UNC5C: variants seen among roughly 807,000 people sequenced by gnomAD.
The protein encoded by UNC5C is unc-5 netrin receptor C, also known as netrin receptor UNC5C.
Under a neutral mutation model 99.8 loss-of-function variants are expected in UNC5C, and 47 were observed. That is an observed-to-expected ratio of 0.47 (90% CI 0.37 to 0.60). UNC5C has a LOEUF of 0.60. Ranked by LOEUF, UNC5C falls within the 20% of genes least tolerant of loss-of-function variation. UNC5C has a pLI of 0.00. For missense variants in UNC5C, 1,062 were observed against 1,165.9 expected (o/e 0.91, Z 1.30); for synonymous variants, 487 against 452.2 (o/e 1.08, Z -0.98).
At chr4:95,452,455 C>T (rs1264131153) in intron 1 of UNC5C, among the ~76,000 whole-genome samples, 1 of 152,006 alleles carries the variant, frequency 6.6e-6, no homozygotes. Flanking sequence ...AGGGTTTCAC[C>T]AGGGGACAGT....
intron 1 of UNC5C, among the ~76,000 whole-genome samples, chr4:95,514,978 G>A (rs990757702): frequency 6.6e-6 from 1 of 151,980 alleles, no homozygotes; most frequent in African/African-American, 2.4e-5. Context: ...GGCCCTAAAT[G>A]AGGAGATATT....
At chr4:95,222,370 C>A in intron 7 of UNC5C, 3 of 660,108 alleles carry the variant, frequency 4.5e-6, no homozygotes, top group Middle Eastern at 4.3e-4. Context: ...GGAAAAGAAA[C>A]CTGTGGTCTT....
chr4:95,435,907 A>G (rs1251544070), intron 1 of UNC5C, among the ~76,000 whole-genome samples: 3 of 151,996 alleles, frequency 2.0e-5, no homozygotes, highest in Admixed American at 1.3e-4. Flanking sequence ...TTATGCTCCA[A>G]TCCTATTTCC....
At chr4:95,379,585 G>GT (rs1745001882) in intron 1 of UNC5C, among the ~76,000 whole-genome samples, 1 of 152,142 alleles carries the variant, frequency 6.6e-6, no homozygotes, top group African/African-American at 2.4e-5. Context: ...CTTTCAAAGT[G>GT]TTTTTAGGAA....
intron 14 of UNC5C, among the ~76,000 whole-genome samples, chr4:95,178,764 T>C (rs1012333658): frequency 2.0e-5 from 3 of 152,212 alleles, no homozygotes; most frequent in African/African-American, 7.2e-5. Flanking sequence ...CCCCATTTTC[T>C]TGTGGATAAA....
intron 1 of UNC5C, among the ~76,000 whole-genome samples, chr4:95,469,625 G>A (rs542124106): frequency 6.6e-6 from 1 of 152,066 alleles, no homozygotes; most frequent in Admixed American, 6.5e-5. Context: ...ATCTTGAAAT[G>A]ATGGGAAATT....
At chr4:95,333,119 T>G (rs369545888) in intron 2 of UNC5C, among the ~76,000 whole-genome samples, 15 of 152,056 alleles carry the variant, frequency 9.9e-5, no homozygotes, top group Admixed American at 3.3e-4. Context: ...TTACACTGTT[T>G]GTGGGACTGT....
At chr4:95,255,755 G>A (rs1028583857) in intron 4 of UNC5C, among the ~76,000 whole-genome samples, 5 of 152,034 alleles carry the variant, frequency 3.3e-5, no homozygotes, top group Non-Finnish European at 5.9e-5. Context: ...CAGATGTGCT[G>A]TTAGCTTTCA....
intron 2 of UNC5C, among the ~76,000 whole-genome samples, chr4:95,310,023 A>G (rs557779782): frequency 6.6e-6 from 1 of 152,346 alleles, no homozygotes; most frequent in Non-Finnish European, 1.5e-5. Context: ...AATAGCCAAG[A>G]CATGGGATTA....
At chr4:95,218,941 CTT>C (rs987594092) in intron 9 of UNC5C, 26 bp downstream of exon 9, 1 of 1,545,726 alleles carries the variant, frequency 6.5e-7, no homozygotes, top group Non-Finnish European at 8.7e-7. Flanking sequence ...CAAGCTGCCT[CTT>C]TGCAATTTAA....
chr4:95,334,262 G>T (rs1743241220), intron 2 of UNC5C, among the ~76,000 whole-genome samples: 1 of 151,916 alleles, frequency 6.6e-6, no homozygotes, highest in African/African-American at 2.4e-5. Flanking sequence ...GCCCTCAAGT[G>T]CTGGTCTCTA....
chr4:95,292,198 CAT>C lies in UNC5C; in HGVS notation c.490+9406_490+9407del, dbSNP rs1192691074. Among the ~76,000 whole-genome samples the C allele has an allele frequency of 2.5e-5, 3 of 120,816 alleles. No homozygotes were observed. The Admixed American group carries it at 2.6e-4, about 10-fold the overall frequency. 79.3% of individuals were successfully genotyped at this position (120,816 alleles called of 152,430 possible). A position where few individuals can be genotyped will look rare whatever the true frequency, so the allele number is the denominator to read the frequency against. On this transcript the variant is annotated intron_variant, in intron 3 of 15. Transcript: ENST00000453304. ...TCATGAGATTACATATATATATACA[CAT>C]ATATATACATATATATACACACACA... is the stretch of plus-strand genomic sequence containing the variant.
At chr4:95,349,222 T>C (rs1743892562) in intron 1 of UNC5C, among the ~76,000 whole-genome samples, 1 of 150,842 alleles carries the variant, frequency 6.6e-6, no homozygotes, top group Admixed American at 6.6e-5. Flanking sequence ...CCTGAATCAA[T>C]ACATCTCACG....
intron 7 of UNC5C, among the ~76,000 whole-genome samples, chr4:95,223,176 T>G (rs1738538048): frequency 6.6e-6 from 1 of 152,134 alleles, no homozygotes; most frequent in Non-Finnish European, 1.5e-5. Context: ...AACACAAACT[T>G]TTTGAAATGA....
intron 1 of UNC5C, among the ~76,000 whole-genome samples, chr4:95,376,841 T>C (rs775830067): frequency 2.6e-5 from 4 of 152,222 alleles, no homozygotes; most frequent in Non-Finnish European, 5.9e-5. Context: ...TATGCAAGTA[T>C]TTTTACTGAA....
chr4:95,166,170 A>C lies in UNC5C; in HGVS notation c.*3064T>G, dbSNP rs1428114777. On this transcript the variant is annotated 3_prime_UTR_variant, in exon 16 of 16. Transcript: ENST00000453304. ...TTTTTCTATCCAAATGAAACCAGCC[A>C]AACTGCCTCTCCAGCGGTGTAGAAA... 2 of 152,192 alleles carry C rather than the reference A, an allele frequency of 1.3e-5. No homozygotes were observed. Among genetic ancestry groups the C allele is most frequent in the Non-Finnish European group, 2.9e-5 (2 of 68,040 alleles). 9.4% of individuals were successfully genotyped at this position (152,192 alleles called of 1,614,324 possible).
chr4:95,336,236 A>T (rs766269432), intron 1 of UNC5C, among the ~76,000 whole-genome samples: 8 of 151,944 alleles, frequency 5.3e-5, no homozygotes, highest in Non-Finnish European at 1.2e-4. Flanking sequence ...TGGATTCTGC[A>T]TGATTCAAAA....
chr4:95,254,722 T>C (rs926371460), intron 4 of UNC5C, among the ~76,000 whole-genome samples: 6 of 152,196 alleles, frequency 3.9e-5, no homozygotes, highest in Non-Finnish European at 8.8e-5. Context: ...TATCATCAAT[T>C]ACAACTCCTC....
At chr4:95,254,670 A>T (rs888844343) in intron 4 of UNC5C, among the ~76,000 whole-genome samples, 1 of 152,204 alleles carries the variant, frequency 6.6e-6, no homozygotes, top group Admixed American at 6.5e-5. Context: ...AGGGGGTTAT[A>T]TCCACACTAA....
Sources: allele counts gnomAD v4.1 joint callset (sites outside exome capture counted in the v4.1 genomes callset), GRCh38; gene constraint gnomAD v4.1.1; transcripts MANE v1.5; gene names NCBI Gene and HGNC (gene_info 2026-07-23, HGNC 2026-07-21).